FRRS1: variants seen among roughly 807,000 people sequenced by gnomAD.
FRRS1 encodes the protein ferric chelate reductase 1.
In FRRS1, 51 loss-of-function variants were observed where a neutral mutation model predicts 70.7. The observed-to-expected ratio is 0.72, with a 90% CI of 0.58 to 0.91. The LOEUF (loss-of-function observed/expected upper bound fraction) is 0.91. Ranked by LOEUF, FRRS1 falls within the 40% of genes least tolerant of loss-of-function variation. The probability of loss-of-function intolerance (pLI) is 0.00; values close to 1 mark genes in which losing one functional copy is unlikely to be tolerated. For missense variants in FRRS1, 672 were observed against 726.0 expected (o/e 0.93, Z 0.86); for synonymous variants, 225 against 238.7 (o/e 0.94, Z 0.53).
chr1:99,728,609 G>A lies in FRRS1; in HGVS notation c.890C>T (p.Ala297Val), dbSNP rs755330225. The A allele has an allele frequency of 3.2e-5, 51 of 1,613,552 alleles. No individual in the cohort carries two copies. The East Asian group carries it at 8.9e-4, about 28-fold the overall frequency. ...DTLEDMAWRL[A>V]DGVMQCSFRR... ...GAAAGAACACTGCATAACACCGTCC[G>A]CCAACCTCCAAGCCATATCCTCAAG... is the stretch of plus-strand genomic sequence containing the variant. The change falls in exon 9 of 17, where the codon GCG (alanine) becomes GTG (valine). Residue 297 changes from alanine to valine, a missense_variant. Ala to Val is a moderately conservative substitution (Grantham distance 64). Coordinates refer to ENST00000646001, the MANE Select transcript of FRRS1 (RefSeq NM_001361041.2).
At chr1:99,720,757 T>G (rs896892819) in intron 9 of FRRS1, among the ~76,000 whole-genome samples, 3 of 151,740 alleles carry the variant, frequency 2.0e-5, no homozygotes, top group East Asian at 3.9e-4. Flanking sequence ...ACAATAAAGA[T>G]ACTTCATAAC....
chr1:99,720,098 A>C (rs755228154), intron 9 of FRRS1, among the ~76,000 whole-genome samples: 14 of 152,208 alleles, frequency 9.2e-5, no homozygotes, highest in Non-Finnish European at 1.8e-4. Flanking sequence ...GGCTGGGGGA[A>C]AGAGGATGGT....
chr1:99,727,067 A>G (rs1237797405), intron 9 of FRRS1, among the ~76,000 whole-genome samples: 1 of 152,206 alleles, frequency 6.6e-6, no homozygotes, highest in African/African-American at 2.4e-5. Flanking sequence ...GCCAAATTCC[A>G]ACTGCACCGT....
At chr1:99,711,872 T>C (rs1654288047) in intron 14 of FRRS1, among the ~76,000 whole-genome samples, 1 of 152,212 alleles carries the variant, frequency 6.6e-6, no homozygotes, top group South Asian at 2.1e-4. Context: ...AAATAAGTCT[T>C]TAAATGAGAG....
chr1:99,728,039 T>C (rs980676305), intron 9 of FRRS1, among the ~76,000 whole-genome samples: 2 of 152,142 alleles, frequency 1.3e-5, no homozygotes, highest in African/African-American at 2.4e-5. Flanking sequence ...TTCTCTTTTT[T>C]CCCTCCCCGC....
chr1:99,744,177 C>T (rs922759976), intron 4 of FRRS1, among the ~76,000 whole-genome samples: 2 of 151,860 alleles, frequency 1.3e-5, no homozygotes, highest in Non-Finnish European at 2.9e-5. Context: ...CATCTCATAT[C>T]GGAAATGCAG....
chr1:99,747,263 C>G, intron 4 of FRRS1, 31 bp downstream of exon 4: 1 of 1,588,808 alleles, frequency 6.3e-7, no homozygotes, highest in Non-Finnish European at 8.6e-7. Context: ...GTAACCTCCA[C>G]ATTGTTCAAG....
chr1:99,712,264 A>G (rs1654304947), intron 13 of FRRS1, 101 bp from the exon 14 acceptor site: 4 of 975,872 alleles, frequency 4.1e-6, no homozygotes, highest in Non-Finnish European at 6.4e-6. Context: ...TCTGGGAATT[A>G]GATATCTGAA....
chr1:99,762,319 G>C (rs1277267481), intron 1 of FRRS1, among the ~76,000 whole-genome samples: 1 of 152,122 alleles, frequency 6.6e-6, no homozygotes, highest in Non-Finnish European at 1.5e-5. Context: ...ACATTTTTTG[G>C]AGGCAGTAAG....
chr1:99,730,663 C>G (rs546464557), intron 7 of FRRS1, among the ~76,000 whole-genome samples: 4 of 151,984 alleles, frequency 2.6e-5, no homozygotes, highest in African/African-American at 4.8e-5. Flanking sequence ...GTCAGGAGAT[C>G]CAGACCATCC....
intron 1 of FRRS1, among the ~76,000 whole-genome samples, chr1:99,754,498 AGAGAGAGAAAG>A (rs1656729871): frequency 2.0e-5 from 2 of 97,776 alleles, no homozygotes; most frequent in Admixed American, 2.1e-4. Context: ...AGAGAGAGAG[AGAGAGAGAAAG>A]AGAGAGAGAG....
rs1654481873 is a variant in FRRS1 at position 99,715,619 on chromosome 1, A to G, written c.1290T>C (p.Val430=). Residue 430 remains valine, a synonymous_variant, in exon 12 of 17, where the codon GTT becomes GTC. Coordinates refer to ENST00000646001, the MANE Select transcript of FRRS1 (RefSeq NM_001361041.2). ...TTTVLTCIAF[V]MPFIYRGGWS... Reference sequence around the variant, plus strand: ...AGCCTCCCCTGTATATAAACGGCATAACAAAAGCAATGCAGGTGAGGACAG... The same window carrying G: ...AGCCTCCCCTGTATATAAACGGCATGACAAAAGCAATGCAGGTGAGGACAG... 3 of 1,613,188 alleles carry G rather than the reference A, an allele frequency of 1.9e-6. No individual in the cohort carries two copies. The highest frequency in any genetic ancestry group is 2.5e-6 in the Non-Finnish European group (3 of 1,179,106).
chr1:99,760,070 C>G (rs1657039555), intron 1 of FRRS1, among the ~76,000 whole-genome samples: 2 of 152,140 alleles, frequency 1.3e-5, no homozygotes, highest in African/African-American at 4.8e-5. Flanking sequence ...GTTAAATCTG[C>G]TTTATAAGAG....
chr1:99,710,762 G>T (rs1282532871), intron 15 of FRRS1, 44 bp downstream of exon 15: 3 of 1,569,674 alleles, frequency 1.9e-6, no homozygotes, highest in East Asian at 2.3e-5. Context: ...CCAATGGTTT[G>T]TATAGAAGTG....
At chr1:99,723,404 C>T (rs1215374555) in intron 9 of FRRS1, among the ~76,000 whole-genome samples, 1 of 152,022 alleles carries the variant, frequency 6.6e-6, no homozygotes, top group Admixed American at 6.6e-5. Context: ...GTAGTCCCAG[C>T]TACTAGGGAG....
chr1:99,716,277 T>A (rs550779615), intron 11 of FRRS1, among the ~76,000 whole-genome samples: 1 of 152,122 alleles, frequency 6.6e-6, no homozygotes, highest in African/African-American at 2.4e-5. Context: ...GATGGCTGGA[T>A]GGATAGATGG....
chr1:99,749,711 T>G (rs1201027260), intron 1 of FRRS1, among the ~76,000 whole-genome samples: 2 of 152,174 alleles, frequency 1.3e-5, no homozygotes, highest in African/African-American at 4.8e-5. Context: ...TCTTCTTCCC[T>G]CCCACAGCTC....
intron 1 of FRRS1, among the ~76,000 whole-genome samples, chr1:99,751,358 G>T (rs993406183): frequency 6.6e-6 from 1 of 152,062 alleles, no homozygotes; most frequent in Non-Finnish European, 1.5e-5. Flanking sequence ...AGACTTGTGG[G>T]CTTTCAGAAT....
chr1:99,741,003 G>A (rs532831342), intron 5 of FRRS1, 63 bp from the exon 6 acceptor site: 19 of 1,367,026 alleles, frequency 1.4e-5, no homozygotes, highest in Admixed American at 4.1e-5. Context: ...AGATCAAAAC[G>A]TTAAAGGAAA....
Sources: gnomAD v4.1 joint callset for allele counts (sites outside exome capture counted in the v4.1 genomes callset) on GRCh38, gnomAD v4.1.1 for gene constraint, MANE v1.5 for transcripts, NCBI Gene and HGNC (gene_info 2026-07-23, HGNC 2026-07-21) for gene names.